Variants in ELMOD3 observed in about 807,000 individuals in gnomAD.
The protein encoded by ELMOD3 is ELMO domain-containing protein 3.
A neutral mutation model predicts 47.4 loss-of-function variants in ELMOD3; 36 were observed. The ratio of observed to expected loss-of-function variants is 0.76; its 90% CI spans 0.58 to 1.00. ELMOD3 has a LOEUF of 1.00. Ranked by LOEUF, ELMOD3 falls within the 50% of genes least tolerant of loss-of-function variation. ELMOD3 has a pLI of 0.00. For synonymous variants in ELMOD3, 149 were observed against 183.5 expected, an observed-to-expected ratio of 0.81 and a Z score of 1.52; for missense variants, 404 against 463.8, an observed-to-expected ratio of 0.87 and a Z score of 1.18.
intron 11 of ELMOD3, 53 bp downstream of exon 11, chr2:85,377,527 C>G (rs1416057810): frequency 6.4e-7 from 1 of 1,556,816 alleles, no homozygotes. Flanking sequence ...GAGCTAGGAC[C>G]TGAGTGGCCG....
At position 85,377,329 on chromosome 2, in the gene ELMOD3, C is replaced by A; in HGVS notation, c.608-15C>A. 1.3e-6 allele frequency: 2 copies of A among 1,575,204 alleles called. No individual in the cohort carries two copies. The highest frequency in any genetic ancestry group is 1.7e-4 in the Middle Eastern group (1 of 5,886). ...CTCGCTGCCACACCCTGTTTCCTCA[C>A]GGTCTCTGTTACAGGAGCGAATCCA... On this transcript the variant is annotated splice_polypyrimidine_tract_variant and intron_variant, in intron 10 of 13. Coordinates refer to ENST00000409013, the MANE Select transcript of ELMOD3 (RefSeq NM_001135022.2).
chr2:85,390,856 GAGC>G lies in ELMOD3; in HGVS notation c.1042_1044del (p.Ala348del). On this transcript the variant is annotated inframe_deletion, in exon 14 of 14. Transcript: ENST00000409013. ...TCAAAGGGACAGGCCTCCTTGTTGG[GAGC>G]ACAGAAGTGCTATGGGCCAGAAGCC... 1 of 1,551,676 alleles carries G rather than the reference GAGC, an allele frequency of 6.4e-7. No homozygotes were observed.
At chr2:85,358,235 C>T (rs150845046) in intron 4 of ELMOD3, among the ~76,000 whole-genome samples, 1 of 144,310 alleles carries the variant, frequency 6.9e-6, no homozygotes, top group Non-Finnish European at 1.5e-5. Context: ...GCTGGGATCA[C>T]ACCATTGCAC....
rs1684655426 is a variant in ELMOD3 at position 85,369,762 on chromosome 2, C to T, written c.292C>T (p.Pro98Ser). The T allele has an allele frequency of 6.2e-7, 1 of 1,614,078 alleles. No homozygotes were observed. Among genetic ancestry groups the T allele is most frequent in the Non-Finnish European group, 8.5e-7 (1 of 1,179,968 alleles). Residue 98 changes from proline (P) to serine (S), a missense_variant, in exon 8 of 14, where the codon CCT (proline) becomes TCT (serine). By Grantham distance (74) the Pro-to-Ser change is moderately conservative. Coordinates refer to ENST00000409013, the MANE Select transcript of ELMOD3 (RefSeq NM_001135022.2). ...AGGGAGCCAAGCTAGCTCAGAGCAG[C>T]CTGGGCAGCTAATCTCCTTCAGTGA... is the stretch of plus-strand genomic sequence containing the variant. Reference protein sequence around the residue: ...ETGSQASSEQPGQLISFSEAL... With the variant: ...ETGSQASSEQSGQLISFSEAL...
intron 11 of ELMOD3, among the ~76,000 whole-genome samples, chr2:85,380,382 A>G (rs1685455411): frequency 6.6e-6 from 1 of 152,236 alleles, no homozygotes; most frequent in South Asian, 2.1e-4. Context: ...CCATGCAGTT[A>G]ATTCCTGTTC....
Position 85,357,122 on chromosome 2 carries a change from A to G in ELMOD3, c.-77A>G. The G allele has an allele frequency of 1.0e-6, 1 of 998,690 alleles. No individual in the cohort carries two copies. The allele number at this position is 998,690 out of a possible 1,614,324, so 61.9% of individuals were successfully genotyped here. ...CAACTGGATCTCTGGCTCTCCACAT[A>G]GCTTCTGATCTCAGACCTTACTAAA... On this transcript the variant is annotated 5_prime_UTR_variant, in exon 4 of 14. It adds an upstream start codon to the 5' untranslated region. Coordinates refer to ENST00000409013, the MANE Select transcript of ELMOD3 (RefSeq NM_001135022.2).
intron 8 of ELMOD3, 95 bp downstream of exon 8, chr2:85,369,925 A>C: frequency 6.8e-7 from 1 of 1,461,274 alleles, no homozygotes. Context: ...GGGCAAGCAA[A>C]TCTCCCCTAA....
chr2:85,381,915 A>G (rs1391822655), intron 11 of ELMOD3, among the ~76,000 whole-genome samples: 2 of 151,936 alleles, frequency 1.3e-5, no homozygotes, highest in African/African-American at 4.8e-5. Context: ...CAGGAGATCA[A>G]GACCATCCTG....
chr2:85,372,159 ACT>A (rs1684843064), intron 10 of ELMOD3: 1 of 151,246 alleles, frequency 6.6e-6, no homozygotes, highest in Non-Finnish European at 1.5e-5. Context: ...ACAGAGTAAG[ACT>A]CTGTCTCGGA....
At chr2:85,371,758 G>A in intron 10 of ELMOD3, 196 bp downstream of exon 10, 1 of 672,938 alleles carries the variant, frequency 1.5e-6, no homozygotes, top group Non-Finnish European at 2.4e-6. Flanking sequence ...AGTAGGTCGG[G>A]CGTGGTGGCT....
Position 85,369,791 on chromosome 2 carries a change from C to T in ELMOD3, c.321C>T (p.Ala107=). 1.2e-6 allele frequency: 2 copies of T among 1,614,076 alleles called. No individual in the cohort carries two copies. Among genetic ancestry groups the T allele is most frequent in the Non-Finnish European group, 1.7e-6 (2 of 1,179,998 alleles). Residue 107 remains alanine (A), a synonymous_variant, in exon 8 of 14, where the codon GCC becomes GCT. Coordinates refer to ENST00000409013, the MANE Select transcript of ELMOD3 (RefSeq NM_001135022.2). ...QPGQLISFSE[A]LQHFQTVDLS... is the part of the protein sequence containing the mutation. ...GGCAGCTAATCTCCTTCAGTGAGGC[C>T]CTGCAGCACTTCCAGACTGTGGACC...
chr2:85,390,026 C>A, intron 12 of ELMOD3, 112 bp from the exon 13 acceptor site: 2 of 1,193,072 alleles, frequency 1.7e-6, no homozygotes, highest in Non-Finnish European at 2.5e-6. Flanking sequence ...ATGGTGGGGG[C>A]ATCCTGGGTT....
chr2:85,365,590 C>T (rs1367027094), intron 6 of ELMOD3, among the ~76,000 whole-genome samples: 2 of 152,144 alleles, frequency 1.3e-5, no homozygotes, highest in African/African-American at 2.4e-5. Flanking sequence ...TTATGTCACA[C>T]GTAGGAGGCA....
At chr2:85,370,025 C>A (rs143407189) in intron 8 of ELMOD3, among the ~76,000 whole-genome samples, 195 bp downstream of exon 8, 4 of 152,282 alleles carry the variant, frequency 2.6e-5, no homozygotes, top group East Asian at 3.9e-4. Context: ...CTTACAGCTC[C>A]TGTAGCCCTG....
intron 4 of ELMOD3, among the ~76,000 whole-genome samples, chr2:85,361,953 AGGGT>A (rs1684001771): frequency 6.6e-6 from 1 of 151,436 alleles, no homozygotes; most frequent in African/African-American, 2.4e-5. Flanking sequence ...GAAAAAGTGG[AGGGT>A]GGGAGGAGGG....
At chr2:85,388,764 T>A (rs1175948500) in intron 11 of ELMOD3, among the ~76,000 whole-genome samples, 1 of 152,244 alleles carries the variant, frequency 6.6e-6, no homozygotes, top group African/African-American at 2.4e-5. Flanking sequence ...GCTGAATTTA[T>A]ATTTGTTTTT....
rs1250663280 is a variant in ELMOD3 at position 85,377,468 on chromosome 2, C to T, written c.732C>T (p.His244=). Residue 244 remains histidine, a synonymous_variant, in exon 11 of 14, where the codon CAC becomes CAT. Transcript: ENST00000409013. ...AGATTTTCCGCCTGTCTCGTCACCA[C>T]ATCCAGGTGAGACTTTGGTGGGAAG... ...AQEIFRLSRH[H]IQQFPFCLMS... 6.2e-7 allele frequency: 1 copy of T among 1,607,876 alleles called. No homozygotes were observed. Among genetic ancestry groups the T allele is most frequent in the East Asian group, 2.2e-5 (1 of 44,538 alleles).
intron 11 of ELMOD3, among the ~76,000 whole-genome samples, chr2:85,379,306 A>G (rs1406846200): frequency 6.6e-6 from 1 of 152,206 alleles, no homozygotes; most frequent in Non-Finnish European, 1.5e-5. Context: ...TCCCAGGTTC[A>G]AGTGATTCTC....
chr2:85,375,476 C>T (rs1206730674), intron 10 of ELMOD3, among the ~76,000 whole-genome samples: 1 of 152,164 alleles, frequency 6.6e-6, no homozygotes, highest in African/African-American at 2.4e-5. Context: ...CTCCTGTTGA[C>T]CCCATCCAGA....
Sources: gnomAD v4.1 joint callset for allele counts (sites outside exome capture counted in the v4.1 genomes callset) on GRCh38, gnomAD v4.1.1 for gene constraint, MANE v1.5 for transcripts, NCBI Gene and HGNC (gene_info 2026-07-23, HGNC 2026-07-21) for gene names.